The following SYF2 variants were observed in gnomAD, a reference collection of about 807,000 sequenced individuals.
SYF2 encodes the protein pre-mRNA-splicing factor SYF2.
A neutral mutation model predicts 32.7 loss-of-function variants in SYF2; 21 were observed. That is an observed-to-expected ratio of 0.64 (90% CI 0.45 to 0.92). The LOEUF (loss-of-function observed/expected upper bound fraction) is 0.92. SYF2 is among the 40% of genes least tolerant of loss of function. The pLI is 0.00. For missense variants in SYF2, 278 were observed against 296.5 expected, an observed-to-expected ratio of 0.94 and a Z score of 0.46; for synonymous variants, 114 against 103.9, an observed-to-expected ratio of 1.10 and a Z score of -0.59.
chr1:25,226,394 G>A (rs1373315114), intron 5 of SYF2, among the ~76,000 whole-genome samples: 1 of 152,168 alleles, frequency 6.6e-6, no homozygotes, highest in East Asian at 1.9e-4. Flanking sequence ...TTTATGAAAA[G>A]AGGCTTCATT....
chr1:25,232,376 C>T, intron 1 of SYF2, 68 bp downstream of exon 1: 1 of 1,613,142 alleles, frequency 6.2e-7, no homozygotes, highest in South Asian at 1.1e-5. Flanking sequence ...TTCGCCTCCA[C>T]CTCTCTCCAG....
chr1:25,232,403 C>CTCA (rs1638653552), intron 1 of SYF2, 41 bp downstream of exon 1: 1 of 1,614,102 alleles, frequency 6.2e-7, no homozygotes, highest in Admixed American at 1.7e-5. Flanking sequence ...CCCCGGAACC[C>CTCA]TCACCAACAA....
chr1:25,227,489 C>T lies in SYF2; in HGVS notation c.420G>A (p.Lys140=). The T allele has an allele frequency of 1.9e-6, 3 of 1,613,724 alleles. No individual in the cohort carries two copies. The highest frequency in any genetic ancestry group is 2.5e-6 in the Non-Finnish European group (3 of 1,179,920). Reference sequence around the variant, plus strand: ...ATGTTTCCATGTCAGGTTTGATCTGCTTGGTCAACCGATGATACTGGCGTA... The same window carrying T: ...ATGTTTCCATGTCAGGTTTGATCTGTTTGGTCAACCGATGATACTGGCGTA... ...AQLRQYHRLT[K]QIKPDMETYE... is the part of the protein sequence containing the mutation. Residue 140 remains lysine, a synonymous_variant, in exon 5 of 7, where the codon AAG becomes AAA. Transcript: ENST00000236273.
rs762016424 is a variant in SYF2 at position 25,228,949 on chromosome 1, C to A, written c.258+49G>T. 14 of 1,590,990 alleles carry A rather than the reference C, an allele frequency of 8.8e-6. No homozygotes were observed. In the East Asian group the frequency reaches 2.9e-4, roughly 33 times the overall value. On this transcript the variant is annotated intron_variant, in intron 3 of 6. Transcript: ENST00000236273. ...ACCACCATGTTGTAGTGTCTTGATA[C>A]AACAGAATGATTGACTAAATCACTT...
At chr1:25,229,795 C>T (rs973783625) in intron 2 of SYF2, among the ~76,000 whole-genome samples, 14 of 148,922 alleles carry the variant, frequency 9.4e-5, no homozygotes, top group African/African-American at 3.2e-4. Flanking sequence ...AAAAAAATTA[C>T]GTCACATGAT....
intron 2 of SYF2, chr1:25,231,183 G>A (rs1474040258): frequency 6.6e-6 from 1 of 152,200 alleles, no homozygotes; most frequent in African/African-American, 2.4e-5. Flanking sequence ...ACAGTCACTG[G>A]TGTTAGTCAG....
intron 5 of SYF2, among the ~76,000 whole-genome samples, chr1:25,225,995 A>G (rs1638503752): frequency 6.6e-6 from 1 of 151,600 alleles, no homozygotes; most frequent in African/African-American, 2.4e-5. Context: ...ATCTCTACTA[A>G]AAATACAAAA....
intron 2 of SYF2, chr1:25,231,828 G>A: frequency 1.9e-6 from 1 of 533,548 alleles, no homozygotes; most frequent in Non-Finnish European, 3.4e-6. Flanking sequence ...ACGGAGCAGG[G>A]AGGTTGTTAG....
rs775318061 is a variant in SYF2 at position 25,232,418 on chromosome 1, C to G, written c.24+26G>C. ...CCCCGGAACCCTCACCAACAAAACC[C>G]CCGGTGTACGGTGGGTGGAACTCAC... On this transcript the variant is annotated intron_variant, in intron 1 of 6. Transcript: ENST00000236273. 1.9e-6 allele frequency: 3 copies of G among 1,614,212 alleles called. No homozygotes were observed. The South Asian group carries it at 3.3e-5, about 18-fold the overall frequency.
In SYF2 at chr1:25,223,106, G is replaced by T. The variant is rs1157670799; in HGVS notation, c.*160C>A. On this transcript the variant is annotated 3_prime_UTR_variant, in exon 7 of 7. Transcript: ENST00000236273. ...AAAAATGTGGAAATATACATGAAAG[G>T]ATATACGTTTAAGAAACCACATTTT... is the stretch of plus-strand genomic sequence containing the variant. 1.3e-5 allele frequency: 8 copies of T among 595,274 alleles called. No homozygotes were observed. The highest frequency in any genetic ancestry group is 3.0e-5 in the South Asian group (1 of 32,962). The allele number at this position is 595,274 out of a possible 1,614,324, so 36.9% of individuals were successfully genotyped here.
chr1:25,229,654 A>G (rs1638588073), intron 2 of SYF2, among the ~76,000 whole-genome samples: 1 of 152,114 alleles, frequency 6.6e-6, no homozygotes. Context: ...GCACACCTGT[A>G]ATCCTAGCTA....
In SYF2 at chr1:25,225,061, A is replaced by G; in HGVS notation, c.507T>C (p.His169=). Residue 169 remains histidine, a synonymous_variant, in exon 6 of 7, where the codon CAT becomes CAC. Transcript: ENST00000236273. ...CCTCTGTGGAAGGCACATGTGTTCC[A>G]TGAAGAAGACTATTGGATGTTGGGA... The part of the protein sequence containing the change: ...EFFPTSNSLL[H]GTHVPSTEEI... The G allele has an allele frequency of 6.2e-7, 1 of 1,614,178 alleles. No individual in the cohort carries two copies. Among genetic ancestry groups the G allele is most frequent in the South Asian group, 1.1e-5 (1 of 91,092 alleles).
At chr1:25,224,698 A>C (rs1004922428) in intron 6 of SYF2, among the ~76,000 whole-genome samples, 1 of 152,070 alleles carries the variant, frequency 6.6e-6, no homozygotes, top group Non-Finnish European at 1.5e-5. Flanking sequence ...TGCTTCTTCA[A>C]ATCAAACAGG....
intron 6 of SYF2, among the ~76,000 whole-genome samples, chr1:25,224,183 G>A (rs1200544446): frequency 6.6e-6 from 1 of 150,978 alleles, no homozygotes; most frequent in Non-Finnish European, 1.5e-5. Flanking sequence ...AATAGAGTGA[G>A]ACTCCGTCTC....
chr1:25,228,163 A>G lies in SYF2; in HGVS notation c.331T>C (p.Trp111Arg). Residue 111 changes from tryptophan to arginine, a missense_variant, in exon 4 of 7, where the codon TGG becomes CGG. Transcript: ENST00000236273. ...LEISAEDAER[W>R]ERKKKRKNPD... ...TTTTTCCTCTTCTTTTTCCTCTCCC[A>G]TCTTTCTGCATCTTCTGCACTGATC... The G allele has an allele frequency of 2.5e-6, 4 of 1,613,830 alleles. No individual in the cohort carries two copies. The highest frequency in any genetic ancestry group is 2.2e-5 in the South Asian group (2 of 91,088).
intron 2 of SYF2, chr1:25,231,634 CT>C (rs71730879): frequency 0.017 from 2,871 of 167,014 alleles, 86 homozygotes; most frequent in African/African-American, 0.064. Flanking sequence ...TTTTTATTTT[CT>C]TTTTATTCTT....
At chr1:25,223,767 C>G (rs1638452085) in intron 6 of SYF2, among the ~76,000 whole-genome samples, 1 of 152,048 alleles carries the variant, frequency 6.6e-6, no homozygotes. Flanking sequence ...AGGACAAGGC[C>G]TCCCAAAAGG....
rs1352011460 is a variant in SYF2 at position 25,222,644 on chromosome 1, TACA to T, written c.*619_*621del. ...GTATGTATATAAACAAATGTATATA[TACA>T]AATGTTTGTTTTAAATGATAGACTA... On this transcript the variant is annotated 3_prime_UTR_variant, in exon 7 of 7. Coordinates refer to ENST00000236273, the MANE Select transcript of SYF2 (RefSeq NM_015484.5). 2.0e-5 allele frequency: 3 copies of T among 152,228 alleles called. No homozygotes were observed. The highest frequency in any genetic ancestry group is 6.6e-5 in the Admixed American group (1 of 15,262). 9.4% of individuals were successfully genotyped at this position (152,228 alleles called of 1,614,324 possible). A position where few individuals can be genotyped will look rare whatever the true frequency, so the allele number is the denominator to read the frequency against.
chr1:25,223,306 G>T lies in SYF2; in HGVS notation c.692C>A (p.Ala231Asp). ...TCTTTCCAAATTCTGTTTAATTTCAGCTGTGTATTTCCCATAGAATCTTTC... is the reference window on the plus strand; with the variant it reads ...TCTTTCCAAATTCTGTTTAATTTCATCTGTGTATTTCCCATAGAATCTTTC... ...KAERFYGKYTAEIKQNLERGT... is the reference protein window; with the variant it reads ...KAERFYGKYTDEIKQNLERGT... The change falls in exon 7 of 7, where the codon GCT (alanine) becomes GAT (aspartate). Residue 231 changes from alanine to aspartate, a missense_variant. By Grantham distance (126) the Ala-to-Asp change is moderately radical. Coordinates refer to ENST00000236273, the MANE Select transcript of SYF2 (RefSeq NM_015484.5). The T allele has an allele frequency of 6.2e-7, 1 of 1,613,616 alleles. No individual in the cohort carries two copies.
Sources: gnomAD v4.1 joint callset for allele counts (sites outside exome capture counted in the v4.1 genomes callset) on GRCh38, gnomAD v4.1.1 for gene constraint, MANE v1.5 for transcripts, NCBI Gene and HGNC (gene_info 2026-07-23, HGNC 2026-07-21) for gene names.